DAB1: variants seen among roughly 807,000 people sequenced by gnomAD.
The protein encoded by DAB1 is DAB adaptor protein 1.
Under a neutral mutation model 64.6 loss-of-function variants are expected in DAB1, and 15 were observed. The observed-to-expected ratio is 0.23, with a 90% CI of 0.16 to 0.36. The LOEUF is 0.36. Among genes scored for constraint, DAB1 ranks in the 10% least tolerant of loss-of-function variants. DAB1 has a pLI of 1.00. For synonymous variants in DAB1, 235 were observed against 251.9 expected, an observed-to-expected ratio of 0.93 and a Z score of 0.64; for missense variants, 596 against 706.7, an observed-to-expected ratio of 0.84 and a Z score of 1.78.
intron 5 of DAB1, among the ~76,000 whole-genome samples, chr1:57,997,223 C>T (rs1646439190): frequency 6.6e-6 from 1 of 152,094 alleles, no homozygotes; most frequent in Non-Finnish European, 1.5e-5. Context: ...TATGAACACT[C>T]GACTGGTAAG....
intron 2 of DAB1, among the ~76,000 whole-genome samples, chr1:57,197,652 A>T (rs1264732573): frequency 1.3e-5 from 2 of 152,226 alleles, no homozygotes; most frequent in Non-Finnish European, 2.9e-5. Flanking sequence ...TTCCAAATCC[A>T]CGGACTACTC....
chr1:58,438,854 T>A (rs1447930263), intron 3 of DAB1, among the ~76,000 whole-genome samples: 2 of 152,238 alleles, frequency 1.3e-5, no homozygotes, highest in Non-Finnish European at 2.9e-5. Context: ...CTCCTGCTTC[T>A]GTCGCTTTCA....
Position 57,015,086 on chromosome 1 carries a change from G to A in DAB1, c.1241C>T (p.Thr414Met), listed in dbSNP as rs773635680. ...CTGGGCCATCTGGAAATCCTTAAAC[G>A]TTTCTTTGCCCATTTTCTGCCTGGG... ...DKPRQKMGKE[T>M]FKDFQMAQPP... The change falls in exon 12 of 15, where the codon ACG becomes ATG. Residue 414 changes from threonine to methionine, a missense_variant. Physicochemically the swap from Thr to Met is moderately conservative, Grantham distance 81 (BLOSUM62 -1). Around this residue, in one of 3 missense-constraint regions of DAB1, gnomAD observed 377 missense variants for 400.4 expected, o/e 0.94. Coordinates refer to ENST00000371236, the MANE Select transcript of DAB1 (RefSeq NM_001365792.1). The A allele has an allele frequency of 3.5e-5, 57 of 1,614,040 alleles. No homozygotes were observed. Among genetic ancestry groups the A allele is most frequent in the East Asian group, 8.9e-5 (4 of 44,892 alleles).
chr1:58,110,593 T>C (rs1651917452), intron 5 of DAB1, among the ~76,000 whole-genome samples: 1 of 152,192 alleles, frequency 6.6e-6, no homozygotes, highest in Non-Finnish European at 1.5e-5. Flanking sequence ...CACACATTAT[T>C]GTCCAGCTAG....
At chr1:58,224,812 A>G (rs547781761) in intron 4 of DAB1, among the ~76,000 whole-genome samples, 2 of 152,298 alleles carry the variant, frequency 1.3e-5, no homozygotes, top group African/African-American at 4.8e-5. Context: ...AAATTAATTC[A>G]AGATGGATTA....
At chr1:58,508,810 A>G (rs961185197) in intron 2 of DAB1, among the ~76,000 whole-genome samples, 1 of 152,120 alleles carries the variant, frequency 6.6e-6, no homozygotes, top group Non-Finnish European at 1.5e-5. Flanking sequence ...TGAGTTGGAG[A>G]GAAACTCCAG....
chr1:58,534,648 C>A (rs1170454046), intron 1 of DAB1, among the ~76,000 whole-genome samples: 1 of 152,140 alleles, frequency 6.6e-6, no homozygotes, highest in Non-Finnish European at 1.5e-5. Context: ...GAAAACACTG[C>A]CTAGGCCAGG....
chr1:57,371,532 C>T (rs943067726), intron 1 of DAB1, among the ~76,000 whole-genome samples: 7 of 152,124 alleles, frequency 4.6e-5, no homozygotes, highest in African/African-American at 1.7e-4. Context: ...CGTCTAATGA[C>T]AGGTGATTTA....
At chr1:57,636,090 C>A (rs1417156822) in intron 7 of DAB1, among the ~76,000 whole-genome samples, 2 of 103,572 alleles carry the variant, frequency 1.9e-5, no homozygotes, top group Non-Finnish European at 3.8e-5. Context: ...GAGCGAGACA[C>A]GGTCTCAAAA....
chr1:58,205,917 ATATC>A (rs1658251989), intron 4 of DAB1, among the ~76,000 whole-genome samples: 2 of 152,178 alleles, frequency 1.3e-5, no homozygotes, highest in African/African-American at 4.8e-5. Flanking sequence ...TGCCAAGTTC[ATATC>A]CTTTTCTGAG....
At chr1:57,269,108 G>C (rs1183586259) in intron 2 of DAB1, among the ~76,000 whole-genome samples, 2 of 152,116 alleles carry the variant, frequency 1.3e-5, no homozygotes, top group Non-Finnish European at 2.9e-5. Flanking sequence ...GCCACTGTCA[G>C]AGCCACAACC....
At chr1:57,426,277 T>C (rs561623402), upstream of DAB1, among the ~76,000 whole-genome samples, 2 of 152,306 alleles carry the variant, frequency 1.3e-5, no homozygotes, top group East Asian at 1.9e-4. Context: ...CAAGACTCTA[T>C]CTCTGCTCTG....
At chr1:58,296,181 G>GA (rs1450997841) in intron 4 of DAB1, among the ~76,000 whole-genome samples, 5 of 113,528 alleles carry the variant, frequency 4.4e-5, no homozygotes, top group Non-Finnish European at 9.3e-5. Flanking sequence ...AAAAAAGAAA[G>GA]AAAGAGAAAG....
At chr1:58,282,933 A>G (rs1661597157) in intron 4 of DAB1, among the ~76,000 whole-genome samples, 1 of 152,230 alleles carries the variant, frequency 6.6e-6, no homozygotes, top group South Asian at 2.1e-4. Flanking sequence ...GACAAGGAAA[A>G]TAGCTTGCAG....
chr1:57,634,823 T>C (rs975810943), intron 7 of DAB1, among the ~76,000 whole-genome samples: 1 of 152,154 alleles, frequency 6.6e-6, no homozygotes, highest in Non-Finnish European at 1.5e-5. Flanking sequence ...GTGGTGAAAA[T>C]GTTTTAGAGA....
At chr1:58,048,917 TAA>T (rs751278511) in intron 5 of DAB1, 23 of 894,038 alleles carry the variant, frequency 2.6e-5, no homozygotes, top group Non-Finnish European at 4.3e-5. Context: ...TTCCAACTGT[TAA>T]AAATAATCTC....
chr1:58,086,139 AT>A (rs376913086), intron 5 of DAB1, among the ~76,000 whole-genome samples: 2,111 of 150,324 alleles, frequency 0.014, 49 homozygotes, highest in African/African-American at 0.048. Flanking sequence ...AATTTTTTGT[AT>A]TTTTAGTAGA....
At chr1:57,517,786 C>T (rs1056520113) in intron 7 of DAB1, among the ~76,000 whole-genome samples, 6 of 152,174 alleles carry the variant, frequency 3.9e-5, no homozygotes, top group Admixed American at 3.9e-4. Flanking sequence ...ACAATGATAG[C>T]CACTACAGCT....
rs191789232 is a variant in DAB1 at position 58,346,270 on chromosome 1, C to T, written n.258-2867G>A. On this transcript the variant is annotated intron_variant and non_coding_transcript_variant, in intron 3 of 20. Transcript: ENST00000485760. ...GGCCCCTGTGCCATCACCCACTGAA[C>T]TCCTCACAATAGCTATTTATTCAGC... Among the ~76,000 whole-genome samples, 87 of 152,334 alleles carry T rather than the reference C, an allele frequency of 5.7e-4. 2 individuals carry two copies. The East Asian group carries it at 0.015, about 26-fold the overall frequency.
Sources: gnomAD v4.1 joint callset for allele counts (sites outside exome capture counted in the v4.1 genomes callset) on GRCh38, gnomAD v4.1.1 for gene constraint, gnomAD v4.1.1 regional missense constraint, MANE v1.5 for transcripts, NCBI Gene and HGNC (gene_info 2026-07-23, HGNC 2026-07-21) for gene names.